Variants in EPHA3 observed in about 807,000 individuals in gnomAD.
The protein encoded by EPHA3 is ephrin type-A receptor 3.
EPHA3 carries 42 observed loss-of-function variants against 107.1 expected under a neutral mutation model. The observed-to-expected ratio is 0.39, with a 90% CI of 0.31 to 0.51. EPHA3 has a LOEUF of 0.51. EPHA3 is among the 20% of genes least tolerant of loss of function. EPHA3 has a pLI of 0.78. For synonymous variants in EPHA3, 461 were observed against 424.8 expected (o/e 1.09, Z -1.05); for missense variants, 1,183 against 1,211.2 (o/e 0.98, Z 0.35).
At chr3:89,241,799 A>C (rs1296132094) in intron 3 of EPHA3, among the ~76,000 whole-genome samples, 1 of 152,198 alleles carries the variant, frequency 6.6e-6, no homozygotes, top group Admixed American at 6.5e-5. Context: ...AAAATACAGT[A>C]TATTTCAGGT....
intron 3 of EPHA3, among the ~76,000 whole-genome samples, chr3:89,266,009 G>A (rs1477907328): frequency 2.6e-5 from 4 of 152,010 alleles, no homozygotes; most frequent in Non-Finnish European, 5.9e-5. Flanking sequence ...TTCCAGTCTG[G>A]CGGACACTAC....
At chr3:89,203,671 G>A (rs940203430) in intron 2 of EPHA3, among the ~76,000 whole-genome samples, 1 of 152,002 alleles carries the variant, frequency 6.6e-6, no homozygotes, top group African/African-American at 2.4e-5. Context: ...CAGCTACTCG[G>A]GAGGCTGAGG....
chr3:89,256,778 G>T (rs62278171), intron 3 of EPHA3, among the ~76,000 whole-genome samples: 3 of 151,856 alleles, frequency 2.0e-5, no homozygotes, highest in Non-Finnish European at 2.9e-5. Context: ...TCTATCATTT[G>T]TCTGTCTTTT....
chr3:89,164,915 C>A (rs2107080807), intron 2 of EPHA3, among the ~76,000 whole-genome samples: 1 of 152,250 alleles, frequency 6.6e-6, no homozygotes, highest in Admixed American at 6.5e-5. Flanking sequence ...TACACAGAGA[C>A]AACTTGTAGT....
At chr3:89,206,607 A>G (rs551246898) in intron 2 of EPHA3, among the ~76,000 whole-genome samples, 30 of 152,284 alleles carry the variant, frequency 2.0e-4, no homozygotes, top group African/African-American at 7.0e-4. Context: ...TCTATAAAAC[A>G]CTAACTTTTA....
chr3:89,437,286 G>A (rs1709692161), intron 13 of EPHA3, among the ~76,000 whole-genome samples: 1 of 151,956 alleles, frequency 6.6e-6, no homozygotes, highest in Non-Finnish European at 1.5e-5. Context: ...ATATTTTAAA[G>A]AAGTAGCTTT....
intron 1 of EPHA3, among the ~76,000 whole-genome samples, chr3:89,123,276 T>C (rs1707430920): frequency 6.6e-6 from 1 of 152,136 alleles, no homozygotes; most frequent in Non-Finnish European, 1.5e-5. Context: ...CCCAAGTAGC[T>C]GGGATTACAG....
intron 1 of EPHA3, among the ~76,000 whole-genome samples, chr3:89,110,427 C>G (rs1707076219): frequency 1.3e-5 from 2 of 151,824 alleles, no homozygotes; most frequent in Admixed American, 1.3e-4. Context: ...AGAAAAATAA[C>G]TTAGAAAATG....
chr3:89,350,584 A>T lies in EPHA3; in HGVS notation c.1306+8494A>T, dbSNP rs886956087. Among the ~76,000 whole-genome samples the T allele has an allele frequency of 6.0e-5, 9 of 150,780 alleles. No homozygotes were observed. The East Asian group carries it at 1.4e-3, about 23-fold the overall frequency. ...TGAATGTCCTCCCATAGCTCAGAGT[A>T]ATTTGATCGTCTGAAGCCTTCTTCT... is the stretch of plus-strand genomic sequence containing the variant. On this transcript the variant is annotated intron_variant, in intron 5 of 16. Coordinates refer to ENST00000336596, the MANE Select transcript of EPHA3 (RefSeq NM_005233.6).
intron 3 of EPHA3, among the ~76,000 whole-genome samples, chr3:89,219,179 T>C (rs992765788): frequency 2.6e-5 from 4 of 152,066 alleles, no homozygotes; most frequent in Admixed American, 6.5e-5. Flanking sequence ...TTTTTTTTTT[T>C]CGAGATGGAG....
intron 2 of EPHA3, among the ~76,000 whole-genome samples, chr3:89,172,793 T>G (rs570683728): frequency 6.6e-6 from 1 of 152,292 alleles, no homozygotes; most frequent in Non-Finnish European, 1.5e-5. Context: ...TACAGTGTAA[T>G]TATGTGCATG....
chr3:89,409,425 C>A (rs1709115258), intron 9 of EPHA3, among the ~76,000 whole-genome samples: 1 of 151,974 alleles, frequency 6.6e-6, no homozygotes, highest in African/African-American at 2.4e-5. Flanking sequence ...ATCTTTAGAG[C>A]AAGACCATGC....
At chr3:89,339,933 C>T (rs1707479949) in intron 3 of EPHA3, among the ~76,000 whole-genome samples, 1 of 152,100 alleles carries the variant, frequency 6.6e-6, no homozygotes, top group South Asian at 2.1e-4. Flanking sequence ...ATTTACATCC[C>T]AAATTCCTTC....
intron 3 of EPHA3, among the ~76,000 whole-genome samples, chr3:89,213,909 A>G (rs1284600617): frequency 6.6e-6 from 1 of 152,024 alleles, no homozygotes; most frequent in Admixed American, 6.6e-5. Context: ...TGCCTTTAGC[A>G]GTTATACATC....
intron 10 of EPHA3, among the ~76,000 whole-genome samples, chr3:89,414,637 G>A (rs1162338368): frequency 6.6e-6 from 1 of 151,616 alleles, no homozygotes; most frequent in East Asian, 1.9e-4. Flanking sequence ...TGGAGAATAT[G>A]TTGAGAGGAG....
intron 1 of EPHA3, among the ~76,000 whole-genome samples, chr3:89,120,084 T>C (rs193270921): frequency 3.9e-5 from 6 of 152,274 alleles, no homozygotes; most frequent in Non-Finnish European, 7.4e-5. Context: ...ACTGATTTTA[T>C]GGGGTGAAGG....
rs190136546 is a variant in EPHA3, at chr3:89,242,718, T to G, written c.814+32198T>G. 8.5e-5 allele frequency among the ~76,000 whole-genome samples: 13 copies of G among 152,296 alleles called. No individual in the cohort carries two copies. The East Asian group carries it at 2.5e-3, about 29-fold the overall frequency. The stretch of plus-strand genomic sequence containing the variant: ...TCCCAAAGTGCTGGGATTACAGGCT[T>G]GAGCCACTGTGCCTGGCCTAGTATT... On this transcript the variant is annotated intron_variant, in intron 3 of 16. Transcript: ENST00000336596.
chr3:89,422,549 A>G (rs1021359838), intron 11 of EPHA3, among the ~76,000 whole-genome samples: 2 of 151,382 alleles, frequency 1.3e-5, no homozygotes, highest in Non-Finnish European at 3.0e-5. Flanking sequence ...TTGTAACAAA[A>G]TTAAACAGTA....
At chr3:89,205,527 A>T (rs1706078867) in intron 2 of EPHA3, among the ~76,000 whole-genome samples, 1 of 152,138 alleles carries the variant, frequency 6.6e-6, no homozygotes, top group Non-Finnish European at 1.5e-5. Context: ...TTATACTTGA[A>T]ATGATCCAGA....
Sources: gnomAD v4.1 joint callset for allele counts (sites outside exome capture counted in the v4.1 genomes callset) on GRCh38, gnomAD v4.1.1 for gene constraint, MANE v1.5 for transcripts, NCBI Gene and HGNC (gene_info 2026-07-23, HGNC 2026-07-21) for gene names.